The following EYS variants were observed in gnomAD, a reference collection of about 807,000 sequenced individuals.
The protein encoded by EYS is protein eyes shut homolog.
In EYS, 250 loss-of-function variants were observed where a neutral mutation model predicts 282.1. The ratio of observed to expected loss-of-function variants is 0.89; its 90% CI spans 0.80 to 0.98. EYS has a LOEUF of 0.98. Among genes scored for constraint, EYS ranks in the 50% least tolerant of loss-of-function variants. The pLI is 0.00. For synonymous variants in EYS, 1,355 were observed against 1,282.9 expected (o/e 1.06, Z -1.20); for missense variants, 4,016 against 3,709.0 (o/e 1.08, Z -2.15).
intron 22 of EYS, among the ~76,000 whole-genome samples, chr6:64,632,081 C>T (rs71551597): frequency 6.6e-6 from 1 of 151,002 alleles, no homozygotes; most frequent in African/African-American, 2.4e-5. Flanking sequence ...CTTTTTATAT[C>T]TGCAAAGCAT....
intron 30 of EYS, among the ~76,000 whole-genome samples, chr6:64,282,363 T>C (rs1460617110): frequency 6.6e-6 from 1 of 152,176 alleles, no homozygotes; most frequent in East Asian, 1.9e-4. Context: ...CTTTTGCGTA[T>C]TCTTACAGAA....
At chr6:65,325,435 T>G (rs1769592432) in intron 11 of EYS, among the ~76,000 whole-genome samples, 1 of 152,262 alleles carries the variant, frequency 6.6e-6, no homozygotes, top group African/African-American at 2.4e-5. Context: ...GCAATGGAGT[T>G]GAGAGAAATG....
At chr6:65,339,724 C>T (rs1770128461) in intron 10 of EYS, among the ~76,000 whole-genome samples, 1 of 150,940 alleles carries the variant, frequency 6.6e-6, no homozygotes, top group African/African-American at 2.4e-5. Context: ...ATTGAGTTTG[C>T]AAAGATTTTG....
rs750488606 is a variant in EYS at position 65,296,130 on chromosome 6, G to A, written c.1767-11C>T. 4 of 1,535,602 alleles carry A rather than the reference G, an allele frequency of 2.6e-6. No individual in the cohort carries two copies. In the South Asian group the frequency reaches 3.8e-5, roughly 14 times the overall value. ...AGAGAACAGCTGCATCTGAAACACA[G>A]AGAAATGAAAAACCCAATTAGTCAT... On this transcript the variant is annotated splice_polypyrimidine_tract_variant and intron_variant, in intron 11 of 42. Coordinates refer to ENST00000503581, the MANE Select transcript of EYS (RefSeq NM_001142800.2).
chr6:64,587,747 A>C (rs992504389), intron 26 of EYS, among the ~76,000 whole-genome samples: 2 of 152,062 alleles, frequency 1.3e-5, no homozygotes, highest in African/African-American at 4.8e-5. Context: ...CTATGGCAAC[A>C]TCTGCATCTA....
At chr6:65,161,730 T>C (rs933523161) in intron 12 of EYS, among the ~76,000 whole-genome samples, 3 of 151,260 alleles carry the variant, frequency 2.0e-5, no homozygotes, top group African/African-American at 7.2e-5. Flanking sequence ...ACTATATTCA[T>C]TTACAAACAA....
intron 21 of EYS, among the ~76,000 whole-genome samples, chr6:64,818,920 ATT>A (rs1764819551): frequency 6.6e-6 from 1 of 152,164 alleles, no homozygotes; most frequent in Non-Finnish European, 1.5e-5. Context: ...GACACTCAAT[ATT>A]AACCATCACA....
At chr6:64,788,757 C>A (rs1774096284) in intron 22 of EYS, among the ~76,000 whole-genome samples, 1 of 152,146 alleles carries the variant, frequency 6.6e-6, no homozygotes, top group South Asian at 2.1e-4. Flanking sequence ...CTCTTGTCTG[C>A]AAACTAAATT....
At chr6:64,036,709 T>C (rs2149834084) in intron 33 of EYS, among the ~76,000 whole-genome samples, 1 of 152,314 alleles carries the variant, frequency 6.6e-6, no homozygotes, top group South Asian at 2.1e-4. Flanking sequence ...AAGTGTATGA[T>C]AAAGAAGGAG....
Position 64,552,132 on chromosome 6 carries a change from G to A in EYS, c.5644+38091C>T, listed in dbSNP as rs143000533. Among the ~76,000 whole-genome samples, 615 of 152,194 alleles carry A rather than the reference G, an allele frequency of 4.0e-3. 5 individuals are homozygous for A. Among genetic ancestry groups the A allele is most frequent in the African/African-American group, 0.013 (545 of 41,532 alleles). The stretch of plus-strand genomic sequence containing the variant: ...AGTTCAGGCCATGATAGGAATAGGT[G>A]GTCAGACATGCCTCATTATACCTCC... On this transcript the variant is annotated intron_variant, in intron 26 of 42. Transcript: ENST00000503581.
In EYS at chr6:63,735,493, TCACA is replaced by T. The variant is rs56885891; in HGVS notation, c.8072-8817_8072-8814del. Among the ~76,000 whole-genome samples the T allele has an allele frequency of 6.1e-5, 9 of 147,936 alleles. No individual in the cohort carries two copies. The South Asian group carries it at 1.5e-3, about 25-fold the overall frequency. On this transcript the variant is annotated intron_variant, in intron 41 of 42. Transcript: ENST00000503581. Reference sequence around the variant, plus strand: ...CTTCCTGTGTCTCTGTCTGTCTCTGTCACACACACACACACACACACACCCTACT... The same window carrying T: ...CTTCCTGTGTCTCTGTCTGTCTCTGTCACACACACACACACACACCCTACT...
intron 4 of EYS, among the ~76,000 whole-genome samples, chr6:65,491,744 C>T (rs1049842341): frequency 2.0e-5 from 3 of 152,108 alleles, no homozygotes; most frequent in Admixed American, 6.6e-5. Flanking sequence ...ATTGTGCCCA[C>T]CCACCGCCGC....
intron 28 of EYS, among the ~76,000 whole-genome samples, chr6:64,393,747 C>G (rs546790417): frequency 6.6e-6 from 1 of 151,650 alleles, no homozygotes; most frequent in African/African-American, 2.4e-5. Flanking sequence ...TCTCTCACCA[C>G]TCCTATTCAA....
chr6:64,292,089 G>A (rs1324119800), intron 30 of EYS, among the ~76,000 whole-genome samples: 1 of 152,074 alleles, frequency 6.6e-6, no homozygotes, highest in East Asian at 1.9e-4. Flanking sequence ...TCAGTAGTAA[G>A]CAACACAGCT....
At chr6:64,435,850 A>G (rs534290942) in intron 28 of EYS, among the ~76,000 whole-genome samples, 1 of 151,978 alleles carries the variant, frequency 6.6e-6, no homozygotes, top group Non-Finnish European at 1.5e-5. Context: ...CATTTTCTAC[A>G]CTGAATATAA....
chr6:65,299,899 C>G (rs1768770146), intron 11 of EYS, among the ~76,000 whole-genome samples: 1 of 152,122 alleles, frequency 6.6e-6, no homozygotes, highest in Non-Finnish European at 1.5e-5. Flanking sequence ...CACAGACACA[C>G]AGATAAACAC....
chr6:64,130,218 T>C (rs1773925083), intron 31 of EYS, among the ~76,000 whole-genome samples: 1 of 152,182 alleles, frequency 6.6e-6, no homozygotes, highest in African/African-American at 2.4e-5. Context: ...TAGCAAAGAC[T>C]TGGAACCAAC....
intron 29 of EYS, among the ~76,000 whole-genome samples, chr6:64,348,947 AC>A (rs1771516377): frequency 6.6e-6 from 1 of 151,436 alleles, no homozygotes; most frequent in South Asian, 2.1e-4. Flanking sequence ...CTGTAGTTTT[AC>A]CCAGTGCTTT....
intron 2 of EYS, among the ~76,000 whole-genome samples, chr6:65,567,185 G>A (rs1299275735): frequency 1.3e-5 from 2 of 151,696 alleles, no homozygotes; most frequent in Non-Finnish European, 2.9e-5. Context: ...GCTGTCACCA[G>A]ATCCAGGCAC....
Sources: allele counts gnomAD v4.1 joint callset (sites outside exome capture counted in the v4.1 genomes callset), GRCh38; gene constraint gnomAD v4.1.1; transcripts MANE v1.5; gene names NCBI Gene and HGNC (gene_info 2026-07-23, HGNC 2026-07-21).